GRK7: variants seen among roughly 807,000 people sequenced by gnomAD.
GRK7 encodes the protein G protein-coupled receptor kinase 7, also known as rhodopsin kinase GRK7.
In GRK7, 24 loss-of-function variants were observed where a neutral mutation model predicts 34.1. The ratio of observed to expected loss-of-function variants is 0.70; its 90% CI spans 0.51 to 0.99. GRK7 has a LOEUF of 0.99. Among genes scored for constraint, GRK7 ranks in the 50% least tolerant of loss-of-function variants. The probability of loss-of-function intolerance (pLI) is 0.00; values close to 1 mark genes in which losing one functional copy is unlikely to be tolerated. For synonymous variants in GRK7, 256 were observed against 279.4 expected (o/e 0.92, Z 0.84); for missense variants, 644 against 707.3 (o/e 0.91, Z 1.02).
In GRK7 at chr3:141,817,346, A is replaced by T; in HGVS notation, c.*296A>T. 3.6e-6 allele frequency: 1 copy of T among 274,886 alleles called. No individual in the cohort carries two copies. The highest frequency in any genetic ancestry group is 6.8e-6 in the Non-Finnish European group (1 of 146,854). The allele number at this position is 274,886 out of a possible 1,614,324, so 17.0% of individuals were successfully genotyped here. On this transcript the variant is annotated 3_prime_UTR_variant, in exon 6 of 6. Coordinates refer to ENST00000682958, the MANE Select transcript of GRK7 (RefSeq NM_139209.3). ...CCATCATGTCCCTGTGTATTACGCA[A>T]AGTCCTAGGAACAGAGAATGGAACT... is the stretch of plus-strand genomic sequence containing the variant.
the GRK7 span, among the ~76,000 whole-genome samples, chr3:141,750,132 G>A: frequency 6.6e-6 from 1 of 151,996 alleles, no homozygotes; most frequent in African/African-American, 2.4e-5. Flanking sequence ...AAAAGTAATT[G>A]CGGTTTTTTT....
chr3:141,778,622 G>A lies in GRK7; in HGVS notation c.338G>A (p.Cys113Tyr). ...GCGCTGCAGGGGCTGGTGGCCACTT[G>A]TGCGAGTGCCCCTGCCCCGGGGAAC... ...DSALQGLVAT[C>Y]ASAPAPGNPQ... Residue 113 changes from cysteine to tyrosine, a missense_variant, in exon 3 of 6, where the codon TGT becomes TAT. By Grantham distance (194) the Cys-to-Tyr change is radical (BLOSUM62 -2). Transcript: ENST00000682958. This position sits in a 1 kb window ranked among gnomAD's most constrained non-coding sequence, Gnocchi z 4.1. 5 of 1,612,388 alleles carry A rather than the reference G, an allele frequency of 3.1e-6. No homozygotes were observed. Among genetic ancestry groups the A allele is most frequent in the South Asian group, 1.1e-5 (1 of 90,966 alleles).
At chr3:141,750,933 A>T in the GRK7 span, among the ~76,000 whole-genome samples, 1 of 152,088 alleles carries the variant, frequency 6.6e-6, no homozygotes, top group Admixed American at 6.6e-5. Context: ...GCTATTTGGG[A>T]GGCTGAGGCA....
At chr3:141,766,581 C>T (rs144572531) in intron 1 of GRK7, among the ~76,000 whole-genome samples, 168 of 152,326 alleles carry the variant, frequency 1.1e-3, no homozygotes, top group African/African-American at 3.9e-3. Context: ...ATACTTACTA[C>T]TTCTTCATTC....
At chr3:141,805,906 C>T (rs1711031514) in intron 4 of GRK7, among the ~76,000 whole-genome samples, 1 of 152,302 alleles carries the variant, frequency 6.6e-6, no homozygotes, top group South Asian at 2.1e-4. Context: ...AAGGGATCCT[C>T]CCATTTCAGC....
chr3:141,811,174 C>T (rs1035433695), intron 5 of GRK7, among the ~76,000 whole-genome samples: 2 of 151,886 alleles, frequency 1.3e-5, no homozygotes, highest in African/African-American at 2.4e-5. Flanking sequence ...AAATATTAGC[C>T]GGGTGCAGTG....
At position 141,804,680 on chromosome 3, in the gene GRK7, CACAT is replaced by C. The variant is rs1261340707; in HGVS notation, c.1051-2961_1051-2958del. Among the ~76,000 whole-genome samples the C allele has an allele frequency of 1.2e-4, 18 of 151,756 alleles. No homozygotes were observed. The South Asian group carries it at 3.1e-3, about 26-fold the overall frequency. ...ACACACATACACATGCACAGATACA[CACAT>C]ACACACATGCTCTCATATACACATG... On this transcript the variant is annotated intron_variant, in intron 4 of 5. Coordinates refer to ENST00000682958, the MANE Select transcript of GRK7 (RefSeq NM_139209.3).
At chr3:141,800,190 C>A (rs969368994) in intron 4 of GRK7, among the ~76,000 whole-genome samples, 2 of 151,912 alleles carry the variant, frequency 1.3e-5, no homozygotes, top group Admixed American at 6.6e-5. Flanking sequence ...TTCAGGGAGA[C>A]CCTCAGCTCC....
chr3:141,810,758 G>A (rs894287605), intron 5 of GRK7, among the ~76,000 whole-genome samples: 41 of 152,136 alleles, frequency 2.7e-4, no homozygotes, highest in African/African-American at 8.9e-4. Flanking sequence ...CTTCACACAC[G>A]GTTCTGTTGG....
At chr3:141,799,533 A>G (rs1026101085) in intron 4 of GRK7, among the ~76,000 whole-genome samples, 1 of 151,888 alleles carries the variant, frequency 6.6e-6, no homozygotes, top group Non-Finnish European at 1.5e-5. Context: ...AATCACTTGA[A>G]CCTGGGAGGT....
intron 4 of GRK7, among the ~76,000 whole-genome samples, chr3:141,792,458 C>T (rs974846760): frequency 2.0e-5 from 3 of 150,180 alleles, no homozygotes; most frequent in Non-Finnish European, 4.4e-5. Flanking sequence ...TTAAATATCA[C>T]TTATGATAAA....
rs538039073 is a variant in GRK7 at position 141,802,877 on chromosome 3, C to A, written c.1051-4768C>A. On this transcript the variant is annotated intron_variant, in intron 4 of 5. Transcript: ENST00000682958. ...CTCCTTGTGCCTCTTCCAGAAGACT[C>A]CCTTGTGCCTGATGAACCAGCAGCC... 7.7e-4 allele frequency among the ~76,000 whole-genome samples: 118 copies of A among 152,270 alleles called. 1 individual carries two copies. The South Asian group carries it at 0.016, about 20-fold the overall frequency.
the GRK7 span, among the ~76,000 whole-genome samples, chr3:141,752,515 T>C: frequency 6.6e-6 from 1 of 152,240 alleles, no homozygotes; most frequent in African/African-American, 2.4e-5. Flanking sequence ...TAATAACTTA[T>C]ATACATTTTG....
intron 5 of GRK7, among the ~76,000 whole-genome samples, chr3:141,812,339 A>T (rs1203870719): frequency 2.0e-5 from 3 of 152,246 alleles, no homozygotes; most frequent in Non-Finnish European, 4.4e-5. Context: ...CCGCACAATG[A>T]TGGGCCGAAA....
Position 141,815,231 on chromosome 3 carries a change from T to TTTTGTTTGTTTG in GRK7, c.1326-1463_1326-1452dup, listed in dbSNP as rs10576210. 1.9e-4 allele frequency among the ~76,000 whole-genome samples: 28 copies of TTTTGTTTGTTTG among 148,378 alleles called. No individual in the cohort carries two copies. The East Asian group carries it at 2.4e-3, about 13-fold the overall frequency. ...TGAGCCACCATGTCTGGTTGGTTTT[T>TTTTGTTTGTTTG]TTTGTTTGTTTGTTTGTTTGTTTGT... is the stretch of plus-strand genomic sequence containing the variant. On this transcript the variant is annotated intron_variant, in intron 5 of 5. Coordinates refer to ENST00000682958, the MANE Select transcript of GRK7 (RefSeq NM_139209.3).
rs1035094263 is a variant in GRK7, at chr3:141,817,944, C to A, written c.*894C>A. On this transcript the variant is annotated 3_prime_UTR_variant, in exon 6 of 6. Coordinates refer to ENST00000682958, the MANE Select transcript of GRK7 (RefSeq NM_139209.3). ...AGAGTTTGGCAGGCACTGCTGTGCA[C>A]ATTTGAATGTTATTACATTCAATCT... is the stretch of plus-strand genomic sequence containing the variant. The A allele has an allele frequency of 6.6e-6, 1 of 152,160 alleles. No homozygotes were observed. Among genetic ancestry groups the A allele is most frequent in the Non-Finnish European group, 1.5e-5 (1 of 68,036 alleles). The allele number at this position is 152,160 out of a possible 1,614,324, so 9.4% of individuals were successfully genotyped here.
At chr3:141,800,978 G>T (rs1710954615) in intron 4 of GRK7, among the ~76,000 whole-genome samples, 1 of 152,160 alleles carries the variant, frequency 6.6e-6, no homozygotes, top group African/African-American at 2.4e-5. Context: ...GAAAAGTTAA[G>T]TAGAAGAATT....
intron 4 of GRK7, among the ~76,000 whole-genome samples, chr3:141,805,307 C>T (rs1483083447): frequency 1.3e-5 from 2 of 152,182 alleles, no homozygotes; most frequent in African/African-American, 4.8e-5. Flanking sequence ...ATGTTTTCTG[C>T]GTAGTGAATG....
chr3:141,797,849 G>A (rs1710910345), intron 4 of GRK7, among the ~76,000 whole-genome samples: 1 of 152,168 alleles, frequency 6.6e-6, no homozygotes, highest in Non-Finnish European at 1.5e-5. Context: ...TTTAATGGGA[G>A]GTGGAGGGTT....
Sources: gnomAD v4.1 joint callset for allele counts (sites outside exome capture counted in the v4.1 genomes callset) on GRCh38, gnomAD v4.1.1 for gene constraint, Gnocchi (gnomAD v3.1) non-coding constraint, MANE v1.5 for transcripts, NCBI Gene and HGNC (gene_info 2026-07-23, HGNC 2026-07-21) for gene names.